RBFOX1: variants seen among roughly 807,000 people sequenced by gnomAD.
RBFOX1 encodes the protein RNA binding protein fox-1 homolog 1.
In RBFOX1, 8 loss-of-function variants were observed where a neutral mutation model predicts 57.7. That is an observed-to-expected ratio of 0.14 (90% confidence interval 0.08 to 0.25). The LOEUF (loss-of-function observed/expected upper bound fraction) is 0.25, where lower values mean the gene tolerates loss of function less well. Among genes scored for constraint, RBFOX1 ranks in the 10% least tolerant of loss-of-function variants. The pLI is 1.00. For missense variants in RBFOX1, 611 were observed against 548.5 expected (o/e 1.11, Z -1.14); for synonymous variants, 326 against 222.4 (o/e 1.47, Z -4.15).
At chr16:5,774,908 C>T (rs143975785) in intron 3 of RBFOX1, among the ~76,000 whole-genome samples, 2 of 152,094 alleles carry the variant, frequency 1.3e-5, no homozygotes, top group Non-Finnish European at 2.9e-5. Flanking sequence ...GTCTCGAACT[C>T]CTGACCTCAG....
At chr16:7,308,219 T>A (rs2096237037) in intron 4 of RBFOX1, among the ~76,000 whole-genome samples, 1 of 151,678 alleles carries the variant, frequency 6.6e-6, no homozygotes, top group Non-Finnish European at 1.5e-5. Context: ...CATGGTAAGG[T>A]ATGGTGAGGC....
intron 2 of RBFOX1, among the ~76,000 whole-genome samples, chr16:5,506,793 C>T (rs553986294): frequency 7.2e-5 from 11 of 152,106 alleles, no homozygotes; most frequent in Non-Finnish European, 1.3e-4. Flanking sequence ...TTGGGTACGA[C>T]CACTGGGTAA....
chr16:7,593,516 A>T (rs770877558), intron 7 of RBFOX1, among the ~76,000 whole-genome samples: 3 of 152,236 alleles, frequency 2.0e-5, no homozygotes, highest in African/African-American at 7.2e-5. Context: ...CAGATAATTC[A>T]GGCTTATCCT....
At chr16:5,546,440 C>G (rs1328787283) in intron 2 of RBFOX1, among the ~76,000 whole-genome samples, 3 of 152,156 alleles carry the variant, frequency 2.0e-5, no homozygotes, top group African/African-American at 7.2e-5. Flanking sequence ...CTATTGTAAT[C>G]AAGACAGTGT....
At chr16:7,237,439 G>T (rs929566385) in intron 4 of RBFOX1, among the ~76,000 whole-genome samples, 1 of 152,212 alleles carries the variant, frequency 6.6e-6, no homozygotes, top group Admixed American at 6.5e-5. Context: ...ACCAGGCACT[G>T]CTCTAAAGGC....
chr16:7,231,440 T>G (rs1052758030), intron 4 of RBFOX1, among the ~76,000 whole-genome samples: 3 of 152,146 alleles, frequency 2.0e-5, no homozygotes, highest in African/African-American at 7.2e-5. Context: ...AACAGTTTAA[T>G]CAGCTCATTT....
At chr16:7,081,069 C>G (rs1197717396) in intron 4 of RBFOX1, among the ~76,000 whole-genome samples, 2 of 152,348 alleles carry the variant, frequency 1.3e-5, no homozygotes, top group Non-Finnish European at 2.9e-5. Context: ...GAGTCTCACT[C>G]TGTCACCAAG....
chr16:7,627,473 G>A lies in RBFOX1; in HGVS notation c.677-3130G>A, dbSNP rs868088111. ...AAGCACAGAAGTCTGAGAAGTACAG[G>A]ATGTCATCATGTGATACAAATGAAG... On this transcript the variant is annotated intron_variant, in intron 10 of 15. Coordinates refer to ENST00000550418, the MANE Select transcript of RBFOX1 (RefSeq NM_018723.4). Among the ~76,000 whole-genome samples, 26 of 152,312 alleles carry A rather than the reference G, an allele frequency of 1.7e-4. No homozygotes were observed. In the Middle Eastern group the frequency reaches 0.014, roughly 80 times the overall value.
intron 3 of RBFOX1, among the ~76,000 whole-genome samples, chr16:7,025,540 G>T (rs1207504754): frequency 1.3e-5 from 2 of 152,128 alleles, no homozygotes; most frequent in East Asian, 3.9e-4. Context: ...AAACACCTCT[G>T]ACAAAACCGG....
rs35569754 is a variant in RBFOX1, at chr16:5,697,535, C to CTT, written c.318+98589_318+98590dup. Among the ~76,000 whole-genome samples, 575 of 138,782 alleles carry CTT rather than the reference C, an allele frequency of 4.1e-3. 9 individuals carry two copies. The highest frequency in any genetic ancestry group is 0.014 in the East Asian group (66 of 4,684). The allele number at this position is 138,782 out of a possible 152,430, so 91.0% of individuals were successfully genotyped here. A position where few individuals can be genotyped will look rare whatever the true frequency, so the allele number is the denominator to read the frequency against. Reference sequence around the variant, plus strand: ...GTGGGCTTTTCTTTTCTTTTCTATTCTTTTTTTTTTTTTTTTGAGATAGAG... The same window carrying CTT: ...GTGGGCTTTTCTTTTCTTTTCTATTCTTTTTTTTTTTTTTTTTTGAGATAGAG... On this transcript the variant is annotated intron_variant, in intron 3 of 19. Transcript: ENST00000641259.
intron 2 of RBFOX1, among the ~76,000 whole-genome samples, chr16:5,578,076 C>G (rs1207735170): frequency 6.6e-6 from 1 of 152,154 alleles, no homozygotes; most frequent in African/African-American, 2.4e-5. Flanking sequence ...CTCATCCTCC[C>G]GAGTAGCTGG....
At chr16:7,433,239 A>T (rs947197187) in intron 4 of RBFOX1, among the ~76,000 whole-genome samples, 5 of 152,312 alleles carry the variant, frequency 3.3e-5, no homozygotes, top group African/African-American at 1.2e-4. Context: ...TGCCTCTTCT[A>T]GTAAAAACAC....
intron 2 of RBFOX1, among the ~76,000 whole-genome samples, chr16:5,544,565 A>T (rs968634298): frequency 6.6e-5 from 10 of 152,184 alleles, no homozygotes; most frequent in African/African-American, 2.4e-4. Flanking sequence ...GAAATGAAAA[A>T]CAGAAAAACA....
chr16:6,014,149 A>T (rs2094979129), upstream of RBFOX1, among the ~76,000 whole-genome samples: 1 of 152,224 alleles, frequency 6.6e-6, no homozygotes, highest in Non-Finnish European at 1.5e-5. Flanking sequence ...TCATAATGGT[A>T]CTTACACTGT....
chr16:5,538,122 A>T (rs1011831422), intron 2 of RBFOX1, among the ~76,000 whole-genome samples: 4 of 152,190 alleles, frequency 2.6e-5, no homozygotes, highest in Non-Finnish European at 5.9e-5. Flanking sequence ...GAGCAGGAAC[A>T]TTGAGGAGAC....
chr16:7,680,767 T>G (rs2074523773), intron 14 of RBFOX1, among the ~76,000 whole-genome samples: 1 of 152,204 alleles, frequency 6.6e-6, no homozygotes, highest in Admixed American at 6.5e-5. Context: ...AATTGCTACT[T>G]TTGTGTGACA....
chr16:6,728,368 G>C, intron 3 of RBFOX1, among the ~76,000 whole-genome samples: 1 of 23,702 alleles, frequency 4.2e-5, no homozygotes, highest in East Asian at 0.1. Flanking sequence ...AAATCCCAAT[G>C]TCTTGTCGTT....
intron 1 of RBFOX1, among the ~76,000 whole-genome samples, chr16:5,269,671 G>A (rs1377596438): frequency 6.6e-6 from 1 of 152,228 alleles, no homozygotes; most frequent in Non-Finnish European, 1.5e-5. Flanking sequence ...CTCAGGGTTG[G>A]TAGGGGCATG....
intron 4 of RBFOX1, among the ~76,000 whole-genome samples, chr16:7,164,902 T>G (rs1371487687): frequency 2.0e-5 from 3 of 152,242 alleles, no homozygotes; most frequent in African/African-American, 7.2e-5. Flanking sequence ...ATGAATTGTT[T>G]GCTTCTTGAA....
Sources: allele counts gnomAD v4.1 joint callset (sites outside exome capture counted in the v4.1 genomes callset), GRCh38; gene constraint gnomAD v4.1.1; transcripts MANE v1.5; gene names NCBI Gene and HGNC (gene_info 2026-07-23, HGNC 2026-07-21).